FOXJ3: variants seen among roughly 807,000 people sequenced by gnomAD.
FOXJ3 encodes the protein forkhead box protein J3.
FOXJ3 carries 22 observed loss-of-function variants against 76.1 expected under a neutral mutation model. The observed-to-expected ratio is 0.29, with a 90% CI of 0.21 to 0.41. FOXJ3 has a LOEUF of 0.41. FOXJ3 is among the 10% of genes least tolerant of loss of function. FOXJ3 has a pLI of 1.00. For synonymous variants in FOXJ3, 269 were observed against 261.2 expected (o/e 1.03, Z -0.29); for missense variants, 613 against 762.1 (o/e 0.80, Z 2.30).
At chr1:42,277,429 G>A (rs1366055337) in intron 3 of FOXJ3, among the ~76,000 whole-genome samples, 4 of 151,720 alleles carry the variant, frequency 2.6e-5, no homozygotes, top group East Asian at 1.9e-4. Context: ...TTGGGAGGCC[G>A]AGGCGGGCGG....
rs543321532 is a variant in FOXJ3, at chr1:42,243,934, C to A, written c.445-15968G>T. ...ACCATTTGTGAGGTCCCAAAAAAGT[C>A]TCAAAAAAATTTTAAAATCAAAATT... On this transcript the variant is annotated intron_variant, in intron 4 of 12. Coordinates refer to ENST00000361346, the MANE Select transcript of FOXJ3 (RefSeq NM_014947.5). Among the ~76,000 whole-genome samples the A allele has an allele frequency of 3.9e-5, 6 of 152,168 alleles. 1 individual carries two copies. In the East Asian group the frequency reaches 7.7e-4, roughly 20 times the overall value.
chr1:42,191,808 T>G, intron 8 of FOXJ3, 89 bp from the exon 9 acceptor site: 2 of 1,399,504 alleles, frequency 1.4e-6, no homozygotes, highest in Non-Finnish European at 9.9e-7. Flanking sequence ...CAAAAGCATA[T>G]GATGCCAGGA....
rs1487335145 is a variant in FOXJ3 at position 42,291,078 on chromosome 1, AT to A, written c.45-12407del. Among the ~76,000 whole-genome samples, 178 of 150,982 alleles carry A rather than the reference AT, an allele frequency of 1.2e-3. 2 individuals carry two copies. Among genetic ancestry groups the A allele is most frequent in the East Asian group, 2.0e-4 (1 of 5,116 alleles). Reference sequence around the variant, plus strand: ...GATAGATAGATAGATAGATAGATAGATAGATAGACAGACAGACAGACAGATA... The same window carrying A: ...GATAGATAGATAGATAGATAGATAGAAGATAGACAGACAGACAGACAGATA... On this transcript the variant is annotated intron_variant, in intron 2 of 12. Coordinates refer to ENST00000361346, the MANE Select transcript of FOXJ3 (RefSeq NM_014947.5).
At chr1:42,290,648 T>C (rs1360723462) in intron 2 of FOXJ3, among the ~76,000 whole-genome samples, 3 of 152,126 alleles carry the variant, frequency 2.0e-5, no homozygotes, top group Admixed American at 2.0e-4. Flanking sequence ...TTTTTATTTC[T>C]TGCCATCACT....
chr1:42,300,287 C>G (rs1416661445), intron 2 of FOXJ3, among the ~76,000 whole-genome samples: 1 of 152,146 alleles, frequency 6.6e-6, no homozygotes, highest in Non-Finnish European at 1.5e-5. Flanking sequence ...AACTATATAA[C>G]TGCTTTATAG....
upstream of FOXJ3, chr1:42,335,325 C>T (rs1270839097): frequency 1.3e-5 from 2 of 152,172 alleles, no homozygotes; most frequent in Admixed American, 6.5e-5. Flanking sequence ...CGTCAAGTCC[C>T]TGCGCGGTCA....
At chr1:42,264,595 T>A (rs965221288) in intron 4 of FOXJ3, among the ~76,000 whole-genome samples, 3 of 152,034 alleles carry the variant, frequency 2.0e-5, no homozygotes, top group African/African-American at 7.2e-5. Flanking sequence ...CAGGTCACAC[T>A]ATAGTTGACT....
At position 42,278,939 on chromosome 1, in the gene FOXJ3, G is replaced by A. The variant is rs186191747; in HGVS notation, c.45-267C>T. On this transcript the variant is annotated intron_variant, in intron 2 of 12. Coordinates refer to ENST00000361346, the MANE Select transcript of FOXJ3 (RefSeq NM_014947.5). Reference sequence around the variant, plus strand: ...GAATATAGACAAACAAAGTGGTTCCGATGCCAATCTTTCTAAAAATCACTG... The same window carrying A: ...GAATATAGACAAACAAAGTGGTTCCAATGCCAATCTTTCTAAAAATCACTG... 1.4e-3 allele frequency among the ~76,000 whole-genome samples: 213 copies of A among 152,196 alleles called. 1 individual carries two copies. Among genetic ancestry groups the A allele is most frequent in the Middle Eastern group, 3.4e-3 (1 of 294 alleles).
At chr1:42,293,787 T>C (rs564168244) in intron 2 of FOXJ3, among the ~76,000 whole-genome samples, 2 of 152,306 alleles carry the variant, frequency 1.3e-5, no homozygotes, top group African/African-American at 4.8e-5. Flanking sequence ...CTTTTTAACA[T>C]AGCTGATACA....
chr1:42,208,922 A>G (rs1646912171), intron 5 of FOXJ3, among the ~76,000 whole-genome samples: 1 of 152,252 alleles, frequency 6.6e-6, no homozygotes, highest in Non-Finnish European at 1.5e-5. Context: ...TAAATATCTC[A>G]TGTAATTTAT....
intron 1 of FOXJ3, among the ~76,000 whole-genome samples, chr1:42,313,964 G>A (rs1005687471): frequency 6.6e-6 from 1 of 151,940 alleles, no homozygotes; most frequent in African/African-American, 2.4e-5. Context: ...ATTCCCTCCT[G>A]GAAATCCCAA....
intron 4 of FOXJ3, among the ~76,000 whole-genome samples, chr1:42,235,632 G>A (rs1195957628): frequency 6.6e-6 from 1 of 150,928 alleles, no homozygotes; most frequent in South Asian, 2.1e-4. Context: ...GCGCAACCTC[G>A]GCTCACTGCA....
At chr1:42,269,983 C>A (rs1288434507) in intron 3 of FOXJ3, among the ~76,000 whole-genome samples, 1 of 152,110 alleles carries the variant, frequency 6.6e-6, no homozygotes, top group Admixed American at 6.5e-5. Flanking sequence ...TGGTGTTACC[C>A]CTTAACTTAA....
chr1:42,224,404 AG>A (rs34786969), intron 5 of FOXJ3, among the ~76,000 whole-genome samples: 106,469 of 152,030 alleles, frequency 0.7, 38,025 homozygotes, highest in Admixed American at 0.8. Context: ...ATGTAAATGG[AG>A]GGGACAGGTA....
At chr1:42,196,125 C>G (rs1306134112) in intron 7 of FOXJ3, among the ~76,000 whole-genome samples, 1 of 152,204 alleles carries the variant, frequency 6.6e-6, no homozygotes, top group African/African-American at 2.4e-5. Flanking sequence ...CTTAGTTGCA[C>G]TATGGAATTT....
chr1:42,182,022 T>A lies in FOXJ3; in HGVS notation c.1648A>T (p.Asn550Tyr). The change falls in exon 12 of 13, where the codon AAT (asparagine) becomes TAT (tyrosine). Residue 550 changes from asparagine (N) to tyrosine (Y), a missense_variant and splice_region_variant. By Grantham distance (143) the Asn-to-Tyr change is moderately radical. Coordinates refer to ENST00000361346, the MANE Select transcript of FOXJ3 (RefSeq NM_014947.5). ...TTTTGCCTAGAATCTATGTACAAAT[T>A]TCCTAATCAGATTAAAAGCAGAAAG... ...TKPSQHIGTG[N>Y]LYIDSRQNLP... 6.3e-7 allele frequency: 1 copy of A among 1,590,448 alleles called. No individual in the cohort carries two copies. The highest frequency in any genetic ancestry group is 8.6e-7 in the Non-Finnish European group (1 of 1,161,294).
intron 2 of FOXJ3, among the ~76,000 whole-genome samples, chr1:42,284,399 C>T (rs1652921149): frequency 6.6e-6 from 1 of 152,190 alleles, no homozygotes; most frequent in Non-Finnish European, 1.5e-5. Flanking sequence ...TGTGTTGGCT[C>T]TTTCTCGCCA....
intron 4 of FOXJ3, among the ~76,000 whole-genome samples, chr1:42,251,814 G>A (rs1428622436): frequency 6.8e-6 from 1 of 146,502 alleles, no homozygotes; most frequent in Non-Finnish European, 1.5e-5. Flanking sequence ...CGCCTCCCGG[G>A]TTCATGCCAT....
chr1:42,244,946 C>T (rs1264528556), intron 4 of FOXJ3, among the ~76,000 whole-genome samples: 1 of 152,144 alleles, frequency 6.6e-6, no homozygotes, highest in Non-Finnish European at 1.5e-5. Flanking sequence ...CCTTGGGAGG[C>T]CGAGGCGGGC....
Sources: gnomAD v4.1 joint callset for allele counts (sites outside exome capture counted in the v4.1 genomes callset) on GRCh38, gnomAD v4.1.1 for gene constraint, MANE v1.5 for transcripts, NCBI Gene and HGNC (gene_info 2026-07-23, HGNC 2026-07-21) for gene names.